The following PCSK9 variants were observed in gnomAD, a reference collection of about 807,000 sequenced individuals.
PCSK9 encodes the protein proprotein convertase subtilisin/kexin type 9.
A neutral mutation model predicts 62.1 loss-of-function variants in PCSK9; 57 were observed. The observed-to-expected ratio is 0.92, with a 90% CI of 0.74 to 1.14. The LOEUF is 1.14. Ranked by LOEUF, PCSK9 falls within the 50% of genes most tolerant of loss-of-function variation. The probability of loss-of-function intolerance (pLI) is 0.00; values close to 1 mark genes in which losing one functional copy is unlikely to be tolerated. For missense variants in PCSK9, 870 were observed against 959.8 expected (o/e 0.91, Z 1.24); for synonymous variants, 387 against 409.4 (o/e 0.95, Z 0.66).
At chr1:55,046,770 T>G in intron 3 of PCSK9, 124 bp downstream of exon 3, 3 of 1,121,290 alleles carry the variant, frequency 2.7e-6, no homozygotes, top group South Asian at 2.8e-5. Flanking sequence ...GCACCTCCAC[T>G]GACCCCTTTT....
chr1:55,040,540 C>T lies in PCSK9; in HGVS notation c.207+496C>T, dbSNP rs1644591566. 6.6e-6 allele frequency among the ~76,000 whole-genome samples: 1 copy of T among 152,026 alleles called. No homozygotes were observed. Among genetic ancestry groups the T allele is most frequent in the Non-Finnish European group, 1.5e-5 (1 of 68,002 alleles). Reference sequence around the variant, plus strand: ...AGGGTGGAGGGCCTGGAGAGAAGGCCCTACCCGAGACAGGGGCGGGGTGGG... The same window carrying T: ...AGGGTGGAGGGCCTGGAGAGAAGGCTCTACCCGAGACAGGGGCGGGGTGGG... On this transcript the variant is annotated intron_variant, in intron 1 of 11. Coordinates refer to ENST00000302118, the MANE Select transcript of PCSK9 (RefSeq NM_174936.4). This position sits in a 1 kb window ranked among gnomAD's most constrained non-coding sequence, Gnocchi z 4.1.
At position 55,046,000 on chromosome 1, in the gene PCSK9, C is replaced by A. The variant is rs943124773; in HGVS notation, c.400-523C>A. The stretch of plus-strand genomic sequence containing the variant: ...CTGGGATTACAGGCGTGAGTCACCG[C>A]TCCCAGCTGCTGATGCACTCTTGTC... On this transcript the variant is annotated intron_variant, in intron 2 of 11. Coordinates refer to ENST00000302118, the MANE Select transcript of PCSK9 (RefSeq NM_174936.4). 1.6e-4 allele frequency among the ~76,000 whole-genome samples: 24 copies of A among 152,328 alleles called. No homozygotes were observed. The East Asian group carries it at 4.2e-3, about 27-fold the overall frequency.
Position 55,061,541 on chromosome 1 carries a change from G to A in PCSK9, c.1848G>A (p.Pro616=), listed in dbSNP as rs145264023. 2.9e-5 allele frequency: 46 copies of A among 1,598,066 alleles called. No homozygotes were observed. The highest frequency in any genetic ancestry group is 3.3e-4 in the Middle Eastern group (2 of 6,064). Residue 616 remains proline, a synonymous_variant, in exon 11 of 12, where the codon CCG becomes CCA. Transcript: ENST00000302118. ...LECKVKEHGI[P]APQEQVTVAC... ...GCAAAGTCAAGGAGCATGGAATCCC[G>A]GCCCCTCAGGAGCAGGTGAAGAGGC...
rs72646503 is a variant in PCSK9, at chr1:55,044,019, C to T, written c.384C>T (p.Gly128=). Residue 128 remains glycine, a synonymous_variant, in exon 2 of 12, where the codon GGC becomes GGT. Transcript: ENST00000302118. ...CTGGCTTCCTGGTGAAGATGAGTGG[C>T]GACCTGCTGGAGCTGGTGAGCCACC... ...LLPGFLVKMS[G]DLLELALKLP... 185 of 1,614,198 alleles carry T rather than the reference C, an allele frequency of 1.1e-4. No individual in the cohort carries two copies. The highest frequency in any genetic ancestry group is 4.9e-4 in the Middle Eastern group (3 of 6,062).
At chr1:55,052,522 C>G in intron 4 of PCSK9, 111 bp downstream of exon 4, 1 of 1,603,596 alleles carries the variant, frequency 6.2e-7, no homozygotes, top group South Asian at 1.1e-5. Context: ...GTTGCACCCC[C>G]CCCAGCTGTC....
intron 3 of PCSK9, chr1:55,051,422 TGA>T (rs1644672653): frequency 8.9e-6 from 3 of 337,054 alleles, no homozygotes; most frequent in South Asian, 6.5e-5. Context: ...TTGGCCTGGC[TGA>T]GAGTTTCTGA....
intron 1 of PCSK9, among the ~76,000 whole-genome samples, chr1:55,043,110 G>T (rs1644608512): frequency 6.6e-6 from 1 of 152,222 alleles, no homozygotes; most frequent in Non-Finnish European, 1.5e-5. Context: ...AGAGCTTGCA[G>T]AATCATGAGC....
chr1:55,041,399 C>T (rs970905803), intron 1 of PCSK9, among the ~76,000 whole-genome samples: 1 of 152,106 alleles, frequency 6.6e-6, no homozygotes, highest in Non-Finnish European at 1.5e-5. Flanking sequence ...GGGGTTGTGG[C>T]CAGGATAAGA....
chr1:55,052,530 G>A (rs1644682965), intron 4 of PCSK9, 119 bp downstream of exon 4: 2 of 1,603,058 alleles, frequency 1.2e-6, no homozygotes, highest in Non-Finnish European at 8.5e-7. Context: ...CCCCCCAGCT[G>A]TCACTGTCCC....
At chr1:55,041,866 C>T (rs922440809) in intron 1 of PCSK9, among the ~76,000 whole-genome samples, 2 of 152,072 alleles carry the variant, frequency 1.3e-5, no homozygotes, top group Non-Finnish European at 2.9e-5. Context: ...GAATTTTATT[C>T]TAGGATTAGG....
chr1:55,052,102 T>C (rs999174675), intron 3 of PCSK9, 176 bp from the exon 4 acceptor site: 47 of 903,934 alleles, frequency 5.2e-5, no homozygotes, highest in Non-Finnish European at 6.6e-5. Flanking sequence ...TCCTTGTCTA[T>C]GAAATACATT....
chr1:55,044,999 C>A (rs1166226422), intron 2 of PCSK9, among the ~76,000 whole-genome samples: 1 of 152,192 alleles, frequency 6.6e-6, no homozygotes, highest in Admixed American at 6.5e-5. Flanking sequence ...CACACGTTTA[C>A]CAAGTGCCTA....
chr1:55,063,223 C>A (rs1461686955), intron 11 of PCSK9, 146 bp from the exon 12 acceptor site: 17 of 826,460 alleles, frequency 2.1e-5, no homozygotes, highest in Non-Finnish European at 2.4e-5. Flanking sequence ...GTGGGAGATA[C>A]ACGGTTGTGT....
chr1:55,042,984 T>G (rs1644607823), intron 1 of PCSK9, among the ~76,000 whole-genome samples: 3 of 152,210 alleles, frequency 2.0e-5, no homozygotes, highest in Admixed American at 2.0e-4. Context: ...CTCTCTTGCT[T>G]CTTCTCTTGC....
intron 6 of PCSK9, among the ~76,000 whole-genome samples, chr1:55,056,584 C>T (rs1053140639): frequency 2.0e-5 from 3 of 152,224 alleles, no homozygotes; most frequent in Admixed American, 6.5e-5. Context: ...TGTTGTCCAG[C>T]TCTCTCCGCG....
chr1:55,052,156 G>A (rs188672699), intron 3 of PCSK9, 122 bp from the exon 4 acceptor site: 5 of 1,344,614 alleles, frequency 3.7e-6, no homozygotes, highest in African/African-American at 2.9e-5. Flanking sequence ...GAGGTTAAAC[G>A]AGTGAATATA....
intron 2 of PCSK9, among the ~76,000 whole-genome samples, chr1:55,044,342 C>T (rs74700387): frequency 0.017 from 2,586 of 152,272 alleles, 58 homozygotes; most frequent in South Asian, 0.1. Context: ...GCCAGCCATT[C>T]TTGTGCCAAT....
chr1:55,050,974 G>C (rs41297881), intron 3 of PCSK9: 45 of 369,192 alleles, frequency 1.2e-4, no homozygotes, highest in Non-Finnish European at 2.2e-4. Context: ...ACACACAGGA[G>C]GGGCCACGTG....
intron 3 of PCSK9, chr1:55,051,051 G>A (rs747532143): frequency 2.8e-4 from 121 of 428,300 alleles, no homozygotes; most frequent in Non-Finnish European, 4.9e-4. Flanking sequence ...ACCAGAAGCC[G>A]GAAGACGTGA....
Sources: gnomAD v4.1 joint callset for allele counts (sites outside exome capture counted in the v4.1 genomes callset) on GRCh38, gnomAD v4.1.1 for gene constraint, Gnocchi (gnomAD v3.1) non-coding constraint, MANE v1.5 for transcripts, NCBI Gene and HGNC (gene_info 2026-07-23, HGNC 2026-07-21) for gene names.